Variants in TBC1D5 observed in about 807,000 individuals in gnomAD.
TBC1D5 encodes the protein TBC1 domain family, member 5.
In TBC1D5, 75 loss-of-function variants were observed where a neutral mutation model predicts 100.3. That is an observed-to-expected ratio of 0.75 (90% CI 0.62 to 0.91). The LOEUF (loss-of-function observed/expected upper bound fraction) is 0.91. TBC1D5 is among the 40% of genes least tolerant of loss of function. The pLI is 0.00. For synonymous variants in TBC1D5, 323 were observed against 325.6 expected (o/e 0.99, Z 0.09); for missense variants, 910 against 942.4 (o/e 0.97, Z 0.45).
At chr3:17,599,275 C>T (rs1285097917) in intron 2 of TBC1D5, among the ~76,000 whole-genome samples, 2 of 152,054 alleles carry the variant, frequency 1.3e-5, no homozygotes, top group Non-Finnish European at 1.5e-5. Flanking sequence ...CCACCCTGGC[C>T]CACCACACAC....
At chr3:17,732,039 C>T (rs989691184) in intron 1 of TBC1D5, among the ~76,000 whole-genome samples, 1 of 152,066 alleles carries the variant, frequency 6.6e-6, no homozygotes, top group African/African-American at 2.4e-5. Context: ...CTCTTCGGGC[C>T]AGGCCTAGTG....
intron 3 of TBC1D5, among the ~76,000 whole-genome samples, chr3:17,461,765 T>C (rs1159236517): frequency 1.3e-5 from 2 of 152,176 alleles, no homozygotes; most frequent in Admixed American, 1.3e-4. Context: ...TCTAACCCAC[T>C]TCCTATAAGC....
chr3:17,459,475 A>G (rs1487276156), intron 3 of TBC1D5, among the ~76,000 whole-genome samples: 3 of 152,232 alleles, frequency 2.0e-5, no homozygotes, highest in Non-Finnish European at 4.4e-5. Context: ...CTAACAGGCC[A>G]CAGCCTGGGG....
intron 2 of TBC1D5, among the ~76,000 whole-genome samples, chr3:17,552,695 G>C (rs533018026): frequency 6.6e-6 from 1 of 152,208 alleles, no homozygotes; most frequent in South Asian, 2.1e-4. Context: ...ATTTCAAAAA[G>C]TTGATGAGAT....
At chr3:17,413,789 G>A (rs1011434097) in intron 4 of TBC1D5, among the ~76,000 whole-genome samples, 4 of 152,082 alleles carry the variant, frequency 2.6e-5, no homozygotes, top group African/African-American at 9.7e-5. Context: ...CCATTTTTAA[G>A]CTTAACATGG....
intron 2 of TBC1D5, among the ~76,000 whole-genome samples, chr3:17,539,514 G>C (rs2096326049): frequency 6.6e-6 from 1 of 151,700 alleles, no homozygotes; most frequent in African/African-American, 2.4e-5. Context: ...TCCAGGGCCT[G>C]CTATCTGTCA....
chr3:17,705,819 A>G (rs1411900826), intron 1 of TBC1D5, among the ~76,000 whole-genome samples: 4 of 148,540 alleles, frequency 2.7e-5, no homozygotes, highest in Admixed American at 2.0e-4. Context: ...GGCCAGGCAG[A>G]GACACTCCTC....
chr3:17,316,362 G>C (rs2084698737), intron 13 of TBC1D5, among the ~76,000 whole-genome samples: 1 of 152,196 alleles, frequency 6.6e-6, no homozygotes, highest in African/African-American at 2.4e-5. Context: ...CCATTCATCA[G>C]TAGAGAGAAG....
chr3:17,214,704 T>C (rs747960722), intron 17 of TBC1D5, among the ~76,000 whole-genome samples: 5 of 151,716 alleles, frequency 3.3e-5, no homozygotes, highest in African/African-American at 4.8e-5. Context: ...TCTTCACTAA[T>C]GGAATAATCC....
Position 17,193,444 on chromosome 3 carries a change from G to T in TBC1D5, c.1753-8236C>A, listed in dbSNP as rs1042001594. ...TTCAAATCTCTTTTTGAAGTCAGGTGTTGGCAGGTTAAAATAATTAATTCA... is the reference window on the plus strand; with the variant it reads ...TTCAAATCTCTTTTTGAAGTCAGGTTTTGGCAGGTTAAAATAATTAATTCA... On this transcript the variant is annotated intron_variant, in intron 18 of 21. Transcript: ENST00000253692. Among the ~76,000 whole-genome samples the T allele has an allele frequency of 3.9e-5, 6 of 152,198 alleles. No individual in the cohort carries two copies. In the East Asian group the frequency reaches 1.2e-3, roughly 29 times the overall value.
At chr3:17,683,527 A>ATC (rs2069798808) in intron 1 of TBC1D5, among the ~76,000 whole-genome samples, 5 of 146,702 alleles carry the variant, frequency 3.4e-5, no homozygotes, top group African/African-American at 1.4e-4. Context: ...TGTTATACAA[A>ATC]ACGAATATAC....
intron 3 of TBC1D5, among the ~76,000 whole-genome samples, chr3:17,450,966 T>C (rs1031277266): frequency 2.0e-5 from 3 of 151,870 alleles, no homozygotes; most frequent in Non-Finnish European, 2.9e-5. Context: ...AAGGAAAAAA[T>C]GTTAAGGCCA....
chr3:17,517,900 T>C (rs1255924076), intron 2 of TBC1D5, among the ~76,000 whole-genome samples: 1 of 152,188 alleles, frequency 6.6e-6, no homozygotes, highest in African/African-American at 2.4e-5. Context: ...TATTTCTAAA[T>C]TTCATATAAT....
At position 17,618,785 on chromosome 3, in the gene TBC1D5, C is replaced by T. The variant is rs553607211; in HGVS notation, c.-36+5064G>A. Among the ~76,000 whole-genome samples, 129 of 152,302 alleles carry T rather than the reference C, an allele frequency of 8.5e-4. 1 individual carries two copies. The highest frequency in any genetic ancestry group is 3.1e-3 in the African/African-American group (127 of 41,576). On this transcript the variant is annotated intron_variant, in intron 2 of 21. Transcript: ENST00000253692. The stretch of plus-strand genomic sequence containing the variant: ...TCACAGTATTTGGGTGGGAGTGTCC[C>T]GTTTTTCCAGGTATAGTCTGTCACG...
At chr3:17,419,915 C>A (rs2094168206) in intron 4 of TBC1D5, among the ~76,000 whole-genome samples, 1 of 152,104 alleles carries the variant, frequency 6.6e-6, no homozygotes, top group Non-Finnish European at 1.5e-5. Flanking sequence ...CCAGGCTGGT[C>A]TTCAACTCCT....
chr3:17,585,832 C>T (rs752010573), intron 2 of TBC1D5, among the ~76,000 whole-genome samples: 5 of 152,138 alleles, frequency 3.3e-5, no homozygotes, highest in African/African-American at 9.6e-5. Context: ...CTATAGGACT[C>T]GGCTCATAAA....
At chr3:17,734,641 G>A (rs1236127081) in intron 1 of TBC1D5, among the ~76,000 whole-genome samples, 1 of 152,176 alleles carries the variant, frequency 6.6e-6, no homozygotes, top group African/African-American at 2.4e-5. Flanking sequence ...GCAAGAGAAG[G>A]GAAGTATAAA....
intron 1 of TBC1D5, among the ~76,000 whole-genome samples, chr3:17,733,364 A>G (rs1440126944): frequency 6.6e-6 from 1 of 152,240 alleles, no homozygotes; most frequent in Non-Finnish European, 1.5e-5. Flanking sequence ...TTACCGGAAG[A>G]AAATCATGAA....
At chr3:17,160,890 G>A in exon 22 of TBC1D5, 1 of 1,525,512 alleles carries the variant, frequency 6.6e-7, no homozygotes, top group Non-Finnish European at 8.8e-7. Context: ...TTCTCCACTG[G>A]ATGAGCCTCA....
Sources: allele counts gnomAD v4.1 joint callset (sites outside exome capture counted in the v4.1 genomes callset), GRCh38; gene constraint gnomAD v4.1.1; transcripts MANE v1.5; gene names NCBI Gene and HGNC (gene_info 2026-07-23, HGNC 2026-07-21).